Variants in GOPC observed in about 807,000 individuals in gnomAD.
The protein encoded by GOPC is golgi associated PDZ and coiled-coil motif containing, also known as Golgi-associated PDZ and coiled-coil motif-containing protein.
A neutral mutation model predicts 51.2 loss-of-function variants in GOPC; 32 were observed. The ratio of observed to expected loss-of-function variants is 0.63; its 90% CI spans 0.47 to 0.84. GOPC has a LOEUF of 0.84. Among genes scored for constraint, GOPC ranks in the 40% least tolerant of loss-of-function variants. The pLI is 0.00. For missense variants in GOPC, 441 were observed against 555.5 expected, an observed-to-expected ratio of 0.79 and a Z score of 2.07; for synonymous variants, 190 against 205.1, an observed-to-expected ratio of 0.93 and a Z score of 0.63.
At chr6:117,594,062 G>A (rs191816344) in intron 1 of GOPC, among the ~76,000 whole-genome samples, 3 of 152,090 alleles carry the variant, frequency 2.0e-5, no homozygotes, top group Non-Finnish European at 4.4e-5. Flanking sequence ...CTGAGGCTAC[G>A]AACTGGTTTA....
At chr6:117,577,410 C>G in intron 3 of GOPC, 38 bp downstream of exon 3, 1 of 1,572,238 alleles carries the variant, frequency 6.4e-7, no homozygotes, top group African/African-American at 1.4e-5. Flanking sequence ...AACACTTCAG[C>G]GTGACATATT....
In GOPC at chr6:117,594,910, A is replaced by G. The variant is rs1488488902; in HGVS notation, c.285+7094T>C. On this transcript the variant is annotated intron_variant, in intron 1 of 8. Coordinates refer to ENST00000368498, the MANE Select transcript of GOPC (RefSeq NM_020399.4). ...TGAATTTTTTAAAGTATTGGTTCAC[A>G]ATCTTTATTCTATTCCAACACACCT... Among the ~76,000 whole-genome samples, 3 of 152,208 alleles carry G rather than the reference A, an allele frequency of 2.0e-5. No individual in the cohort carries two copies. In the East Asian group the frequency reaches 5.8e-4, roughly 29 times the overall value.
At chr6:117,579,742 GC>G (rs1464431083) in intron 1 of GOPC, among the ~76,000 whole-genome samples, 1 of 151,950 alleles carries the variant, frequency 6.6e-6, no homozygotes, top group Non-Finnish European at 1.5e-5. Flanking sequence ...GGTTTTCCCA[GC>G]TAGCCAGTAG....
chr6:117,567,696 GAAT>G (rs1779726046), intron 7 of GOPC, among the ~76,000 whole-genome samples: 1 of 151,846 alleles, frequency 6.6e-6, no homozygotes, highest in South Asian at 2.1e-4. Context: ...TCAATCCCCA[GAAT>G]AATCCTATTA....
intron 1 of GOPC, among the ~76,000 whole-genome samples, chr6:117,590,294 G>A (rs751879885): frequency 3.7e-4 from 56 of 152,306 alleles, no homozygotes; most frequent in Admixed American, 5.2e-4. Context: ...TTTCCAGGCT[G>A]GGCATGGTGG....
chr6:117,569,447 C>T, intron 7 of GOPC, 125 bp downstream of exon 7: 5 of 1,280,904 alleles, frequency 3.9e-6, no homozygotes, highest in Non-Finnish European at 5.3e-6. Context: ...AGCATTAAAT[C>T]AAAGGAAACA....
rs746309379 is a variant in GOPC, at chr6:117,601,984, C to T, written c.285+20G>A. 11 of 1,611,002 alleles carry T rather than the reference C, an allele frequency of 6.8e-6. No individual in the cohort carries two copies. The East Asian group carries it at 1.8e-4, about 26-fold the overall frequency. On this transcript the variant is annotated intron_variant, in intron 1 of 8. Transcript: ENST00000368498. ...GCAGCCTGGGGTTGGATGCCATAGC[C>T]GCCAGCACCCACGGCTCACCTCCAG...
intron 4 of GOPC, 38 bp from the exon 5 acceptor site, chr6:117,573,670 T>C (rs1427250748): frequency 1.3e-6 from 2 of 1,538,858 alleles, no homozygotes; most frequent in Non-Finnish European, 1.8e-6. Flanking sequence ...TTTTTCATTA[T>C]ATTCACTACA....
At chr6:117,598,744 C>A (rs1051894898) in intron 1 of GOPC, among the ~76,000 whole-genome samples, 6 of 152,272 alleles carry the variant, frequency 3.9e-5, no homozygotes, top group South Asian at 2.1e-4. Context: ...TGCTGTTCAG[C>A]CAGTTCCTAA....
At chr6:117,579,901 C>A (rs1237959298) in intron 1 of GOPC, among the ~76,000 whole-genome samples, 1 of 152,000 alleles carries the variant, frequency 6.6e-6, no homozygotes, top group South Asian at 2.1e-4. Context: ...ATGCCCTTGA[C>A]AAGCTTTCAT....
intron 2 of GOPC, 145 bp downstream of exon 2, chr6:117,578,752 CATA>C: frequency 6.7e-6 from 3 of 446,982 alleles, no homozygotes; most frequent in Non-Finnish European, 1.1e-5. Flanking sequence ...TGTAGATTAT[CATA>C]ATGATCATAA....
At chr6:117,598,451 C>T (rs537895907) in intron 1 of GOPC, among the ~76,000 whole-genome samples, 2 of 152,120 alleles carry the variant, frequency 1.3e-5, no homozygotes, top group Admixed American at 6.5e-5. Flanking sequence ...AAGGGTGAGG[C>T]GGGTAGGAAG....
chr6:117,568,246 T>A (rs867712292), intron 7 of GOPC, among the ~76,000 whole-genome samples: 3 of 151,898 alleles, frequency 2.0e-5, no homozygotes, highest in Admixed American at 2.0e-4. Flanking sequence ...AAAAGAAAAA[T>A]TTCCAAGCTA....
At chr6:117,599,143 CATT>C (rs1199442600) in intron 1 of GOPC, among the ~76,000 whole-genome samples, 1 of 152,056 alleles carries the variant, frequency 6.6e-6, no homozygotes, top group African/African-American at 2.4e-5. Context: ...ATGTTAACTA[CATT>C]ATAAATTACC....
At chr6:117,565,092 T>A (rs1196601221) in intron 8 of GOPC, among the ~76,000 whole-genome samples, 1 of 152,210 alleles carries the variant, frequency 6.6e-6, no homozygotes, top group Non-Finnish European at 1.5e-5. Context: ...AATTCATTTC[T>A]TTGTTAAAAA....
At chr6:117,586,089 T>C (rs1388971094) in intron 1 of GOPC, among the ~76,000 whole-genome samples, 1 of 152,238 alleles carries the variant, frequency 6.6e-6, no homozygotes, top group African/African-American at 2.4e-5. Flanking sequence ...ATTCTCTTTA[T>C]GTTTTAAAAT....
intron 1 of GOPC, among the ~76,000 whole-genome samples, chr6:117,600,080 G>C (rs1341485073): frequency 6.6e-6 from 1 of 152,158 alleles, no homozygotes; most frequent in African/African-American, 2.4e-5. Context: ...ATAAAGAAAA[G>C]GAATGTATTT....
At chr6:117,579,355 C>T (rs939063507) in intron 1 of GOPC, among the ~76,000 whole-genome samples, 2 of 151,994 alleles carry the variant, frequency 1.3e-5, no homozygotes, top group African/African-American at 4.8e-5. Flanking sequence ...ACTGTTTCAC[C>T]TTTATCTTCA....
intron 1 of GOPC, among the ~76,000 whole-genome samples, chr6:117,592,762 G>T (rs1168145537): frequency 6.6e-6 from 1 of 152,076 alleles, no homozygotes. Flanking sequence ...ATGAATTTTG[G>T]AGGGATACGA....
Sources: gnomAD v4.1 joint callset for allele counts (sites outside exome capture counted in the v4.1 genomes callset) on GRCh38, gnomAD v4.1.1 for gene constraint, MANE v1.5 for transcripts, NCBI Gene and HGNC (gene_info 2026-07-23, HGNC 2026-07-21) for gene names.